The following RADIL variants were observed in gnomAD, a reference collection of about 807,000 sequenced individuals.
The protein encoded by RADIL is ras-associating and dilute domain-containing protein.
In RADIL, 99 loss-of-function variants were observed where a neutral mutation model predicts 97.6. The observed-to-expected ratio is 1.01, with a 90% confidence interval of 0.86 to 1.20. The LOEUF is 1.20. RADIL is among the 50% of genes most tolerant of loss of function. The pLI is 0.00. For synonymous variants in RADIL, 803 were observed against 691.8 expected (o/e 1.16, Z -2.52); for missense variants, 1,765 against 1,498.9 (o/e 1.18, Z -2.93).
chr7:4,827,904 A>C (rs1783042190), intron 5 of RADIL, among the ~76,000 whole-genome samples: 1 of 150,502 alleles, frequency 6.6e-6, no homozygotes, highest in Non-Finnish European at 1.5e-5. Flanking sequence ...CAAAACAAAC[A>C]AACAAACAAA....
intron 9 of RADIL, chr7:4,811,140 C>CA (rs1782532472): frequency 2.0e-5 from 3 of 148,148 alleles, no homozygotes; most frequent in Admixed American, 6.7e-5. Context: ...GACTCCGTCT[C>CA]AAAAAACAAA....
chr7:4,855,878 C>T (rs1025148373), intron 2 of RADIL, among the ~76,000 whole-genome samples: 8 of 151,994 alleles, frequency 5.3e-5, no homozygotes, highest in African/African-American at 1.9e-4. Context: ...TCACTGACAC[C>T]TCCGTCTCCT....
chr7:4,877,264 G>A (rs772746999), intron 2 of RADIL, among the ~76,000 whole-genome samples: 2 of 152,058 alleles, frequency 1.3e-5, no homozygotes, highest in Admixed American at 6.6e-5. Context: ...GTATCACAGC[G>A]AGACTCCTGT....
chr7:4,837,681 ACATT>A lies in RADIL; in HGVS notation c.536-1080_536-1077del, dbSNP rs1783337626. 2.9e-6 allele frequency: 1 copy of A among 345,850 alleles called. No homozygotes were observed. Among genetic ancestry groups the A allele is most frequent in the African/African-American group, 2.2e-5 (1 of 44,766 alleles). 21.4% of individuals were successfully genotyped at this position (345,850 alleles called of 1,614,324 possible). On this transcript the variant is annotated intron_variant, in intron 2 of 14. Transcript: ENST00000399583. The surrounding 1 kb of genome is among the most constrained non-coding windows in gnomAD (Gnocchi z 5.6). ...CACGCCAACACACATGCACCCACACACATTAACACATACATGCACACAAACATGC... is the reference window on the plus strand; with the variant it reads ...CACGCCAACACACATGCACCCACACAAACACATACATGCACACAAACATGC...
At chr7:4,859,998 G>C in intron 2 of RADIL, 1 of 1,614,000 alleles carries the variant, frequency 6.2e-7, no homozygotes, top group Non-Finnish European at 8.5e-7. Flanking sequence ...TTTGGTGATG[G>C]AGAAATGGCA....
intron 5 of RADIL, among the ~76,000 whole-genome samples, chr7:4,831,794 A>C (rs1783147964): frequency 6.6e-6 from 1 of 152,160 alleles, no homozygotes; most frequent in Non-Finnish European, 1.5e-5. Flanking sequence ...AAGCTGAGGC[A>C]AGAGAATCCC....
In RADIL at chr7:4,797,720, G is replaced by A. The variant is rs1260660532; in HGVS notation, c.*1658C>T. ...ACAAGGCCAGGCATGGTAATCCCAC[G>A]CCTGTAATCCCAGCACTTTGGGAGG... On this transcript the variant is annotated 3_prime_UTR_variant, in exon 15 of 15. Transcript: ENST00000399583. The A allele has an allele frequency of 3.3e-5, 5 of 152,304 alleles. No homozygotes were observed. Among genetic ancestry groups the A allele is most frequent in the East Asian group, 1.9e-4 (1 of 5,184 alleles). 9.4% of individuals were successfully genotyped at this position (152,304 alleles called of 1,614,324 possible).
chr7:4,880,533 A>G lies in RADIL; in HGVS notation c.-64-2330T>C, dbSNP rs1784462860. On this transcript the variant is annotated intron_variant, in intron 1 of 14. Transcript: ENST00000399583. This position sits in a 1 kb window ranked among gnomAD's most constrained non-coding sequence, Gnocchi z 4.5. Reference sequence around the variant, plus strand: ...TCCAGCCGGCACTTATTAACCATCCATGAGAGCTGCACAACCCTGCTCCAA... The same window carrying G: ...TCCAGCCGGCACTTATTAACCATCCGTGAGAGCTGCACAACCCTGCTCCAA... Among the ~76,000 whole-genome samples the G allele has an allele frequency of 6.6e-6, 1 of 152,154 alleles. No individual in the cohort carries two copies. The highest frequency in any genetic ancestry group is 2.1e-4 in the South Asian group (1 of 4,826).
In RADIL at chr7:4,880,127, G is replaced by T. The variant is rs373519709; in HGVS notation, c.-64-1924C>A. ...GCTGTGCCTGGCTTTCTGAAGAGGT[G>T]AATTTGCTGTAACAGGTCACGGAGT... On this transcript the variant is annotated intron_variant, in intron 1 of 14. Coordinates refer to ENST00000399583, the MANE Select transcript of RADIL (RefSeq NM_018059.5). The surrounding 1 kb of genome is among the most constrained non-coding windows in gnomAD (Gnocchi z 4.5). 6.6e-6 allele frequency among the ~76,000 whole-genome samples: 1 copy of T among 152,150 alleles called. No individual in the cohort carries two copies. Among genetic ancestry groups the T allele is most frequent in the African/African-American group, 2.4e-5 (1 of 41,434 alleles).
chr7:4,805,978 G>A, intron 9 of RADIL: 1 of 985,428 alleles, frequency 1.0e-6, no homozygotes, highest in Non-Finnish European at 1.2e-6. Flanking sequence ...TCTCAAGCAA[G>A]GGCCGGCCTC....
chr7:4,797,301 G>A lies in RADIL; in HGVS notation c.*2077C>T, dbSNP rs2115144563. 6.6e-6 allele frequency: 1 copy of A among 152,400 alleles called. No homozygotes were observed. The highest frequency in any genetic ancestry group is 1.5e-5 in the Non-Finnish European group (1 of 68,054). 9.4% of individuals were successfully genotyped at this position (152,400 alleles called of 1,614,324 possible). ...ATGCCAAGAGCTTCTTTCCATGGATGCTGAGTTCCAGGAGCATGAAAATAG... is the reference window on the plus strand; with the variant it reads ...ATGCCAAGAGCTTCTTTCCATGGATACTGAGTTCCAGGAGCATGAAAATAG... On this transcript the variant is annotated 3_prime_UTR_variant, in exon 15 of 15. Transcript: ENST00000399583.
intron 2 of RADIL, among the ~76,000 whole-genome samples, chr7:4,857,420 TC>T (rs770976587): frequency 2.0e-5 from 3 of 152,224 alleles, no homozygotes; most frequent in Non-Finnish European, 4.4e-5. Context: ...GGAAGTTTGG[TC>T]CATTTATTGT....
rs578241761 is a variant in RADIL, at chr7:4,847,721, C to T, written c.536-11116G>A. 8.9e-4 allele frequency among the ~76,000 whole-genome samples: 52 copies of T among 58,112 alleles called. 1 individual carries two copies. Among genetic ancestry groups the T allele is most frequent in the African/African-American group, 3.3e-3 (47 of 14,258 alleles). 38.1% of individuals were successfully genotyped at this position (58,112 alleles called of 152,430 possible). ...ATGGATGAGCCTCAAAAATATGCTACGTGAAAAAAGCTAGATGCAAAAAAA... is the reference window on the plus strand; with the variant it reads ...ATGGATGAGCCTCAAAAATATGCTATGTGAAAAAAGCTAGATGCAAAAAAA... On this transcript the variant is annotated intron_variant, in intron 2 of 14. Coordinates refer to ENST00000399583, the MANE Select transcript of RADIL (RefSeq NM_018059.5).
chr7:4,823,332 T>A (rs28757593), intron 5 of RADIL, among the ~76,000 whole-genome samples: 2 of 63,278 alleles, frequency 3.2e-5, no homozygotes, highest in Admixed American at 1.2e-4. Context: ...ATTAAAAACC[T>A]TTTTTTTTTT....
chr7:4,868,212 G>A (rs28515084), intron 2 of RADIL, among the ~76,000 whole-genome samples: 2,641 of 152,086 alleles, frequency 0.017, 85 homozygotes, highest in African/African-American at 0.061. Flanking sequence ...ACAGGCGCCC[G>A]CCACCACACC....
In RADIL at chr7:4,817,491, G is replaced by A. The variant is rs954677967; in HGVS notation, c.1616-140C>T. ...GGGGTCCAGATGCGATAAACTGGCC[G>A]AGGGACTCTGGGCCCTGGCTGGGAC... On this transcript the variant is annotated intron_variant, in intron 6 of 14. Transcript: ENST00000399583. The surrounding 1 kb of genome is among the most constrained non-coding windows in gnomAD (Gnocchi z 8.3). The A allele has an allele frequency of 1.0e-4, 68 of 670,296 alleles. No individual in the cohort carries two copies. In the Middle Eastern group the frequency reaches 1.7e-3, roughly 17 times the overall value. 41.5% of individuals were successfully genotyped at this position (670,296 alleles called of 1,614,324 possible). A position where few individuals can be genotyped will look rare whatever the true frequency, so the allele number is the denominator to read the frequency against.
Position 4,878,876 on chromosome 7 carries a change from G to A in RADIL, c.-64-673C>T, listed in dbSNP as rs917530996. On this transcript the variant is annotated intron_variant, in intron 1 of 14. Coordinates refer to ENST00000399583, the MANE Select transcript of RADIL (RefSeq NM_018059.5). This position sits in a 1 kb window ranked among gnomAD's most constrained non-coding sequence, Gnocchi z 4.1. ...CCCAAGGGCAAAGCTTCGCCTCTCC[G>A]TAAACCTCGTGTCTCCTACCCCACA... 2.0e-5 allele frequency among the ~76,000 whole-genome samples: 3 copies of A among 152,220 alleles called. No individual in the cohort carries two copies. The highest frequency in any genetic ancestry group is 2.9e-5 in the Non-Finnish European group (2 of 68,030).
At chr7:4,825,007 G>A (rs1017595234) in intron 5 of RADIL, among the ~76,000 whole-genome samples, 1 of 152,186 alleles carries the variant, frequency 6.6e-6, no homozygotes, top group Non-Finnish European at 1.5e-5. Context: ...GGGGCCATGT[G>A]AGTGGGGGCC....
Position 4,837,822 on chromosome 7 carries a change from C to A in RADIL, c.536-1217G>T. The A allele has an allele frequency of 1.0e-6, 1 of 985,236 alleles. No individual in the cohort carries two copies. Among genetic ancestry groups the A allele is most frequent in the Non-Finnish European group, 1.2e-6 (1 of 829,796 alleles). The allele number at this position is 985,236 out of a possible 1,614,324, so 61.0% of individuals were successfully genotyped here. A position where few individuals can be genotyped will look rare whatever the true frequency, so the allele number is the denominator to read the frequency against. ...CCAGCCGGCTGCGATAGATGAAAAC[C>A]GCTCACCAGTCCCCAGCTGACCCGG... On this transcript the variant is annotated intron_variant, in intron 2 of 14. Coordinates refer to ENST00000399583, the MANE Select transcript of RADIL (RefSeq NM_018059.5). This position sits in a 1 kb window ranked among gnomAD's most constrained non-coding sequence, Gnocchi z 5.6.
Sources: gnomAD v4.1 joint callset for allele counts (sites outside exome capture counted in the v4.1 genomes callset) on GRCh38, gnomAD v4.1.1 for gene constraint, Gnocchi (gnomAD v3.1) non-coding constraint, MANE v1.5 for transcripts, NCBI Gene and HGNC (gene_info 2026-07-23, HGNC 2026-07-21) for gene names.